Variants in ARHGEF10 observed in about 807,000 individuals in gnomAD.
ARHGEF10 encodes Rho guanine nucleotide exchange factor 10.
Under a neutral mutation model 147.4 loss-of-function variants are expected in ARHGEF10, and 140 were observed. The ratio of observed to expected loss-of-function variants is 0.95; its 90% CI spans 0.83 to 1.09. The LOEUF (loss-of-function observed/expected upper bound fraction) is 1.09, where lower values mean the gene tolerates loss of function less well. ARHGEF10 is among the 50% of genes least tolerant of loss of function. ARHGEF10 has a pLI of 0.00. For synonymous variants in ARHGEF10, 902 were observed against 695.8 expected, an observed-to-expected ratio of 1.30 and a Z score of -4.67; for missense variants, 2,222 against 1,752.7, an observed-to-expected ratio of 1.27 and a Z score of -4.78.
rs1027222326 is a variant in ARHGEF10 at position 1,957,448 on chromosome 8, A to C, written c.*185A>C. ...CCAATTCCTTCCTTCTCTTCTGTAC[A>C]GCAGAAGTAATTACAAGCACTTCTC... On this transcript the variant is annotated 3_prime_UTR_variant, in exon 29 of 29. Transcript: ENST00000349830. 1.5e-5 allele frequency: 12 copies of C among 826,302 alleles called. No homozygotes were observed. The highest frequency in any genetic ancestry group is 2.2e-5 in the Non-Finnish European group (12 of 541,046). 51.2% of individuals were successfully genotyped at this position (826,302 alleles called of 1,614,324 possible).
intron 2 of ARHGEF10, among the ~76,000 whole-genome samples, chr8:1,857,662 C>G (rs985227763): frequency 6.6e-6 from 1 of 152,018 alleles, no homozygotes; most frequent in African/African-American, 2.4e-5. Context: ...TTGTGATCTG[C>G]CCACCTTGGC....
intron 17 of ARHGEF10, 131 bp from the exon 18 acceptor site, chr8:1,909,164 C>A (rs533385932): frequency 1.6e-6 from 2 of 1,288,312 alleles, no homozygotes; most frequent in Non-Finnish European, 2.2e-6. Flanking sequence ...AGCACAATTA[C>A]TATTGTGAGA....
chr8:1,903,167 C>T, intron 15 of ARHGEF10, 114 bp from the exon 16 acceptor site: 2 of 1,333,720 alleles, frequency 1.5e-6, no homozygotes, highest in South Asian at 1.2e-5. Flanking sequence ...TATTTTTCCC[C>T]AGGATGGCAG....
At chr8:1,873,614 C>T (rs556715987) in intron 7 of ARHGEF10, among the ~76,000 whole-genome samples, 3 of 146,508 alleles carry the variant, frequency 2.0e-5, no homozygotes, top group East Asian at 2.0e-4. Context: ...GAGGTGCCCG[C>T]GGGGTAGTGC....
At chr8:1,898,401 C>T (rs748438643) in intron 14 of ARHGEF10, 32 bp from the exon 15 acceptor site, 3 of 1,603,374 alleles carry the variant, frequency 1.9e-6, no homozygotes, top group Non-Finnish European at 2.6e-6. Context: ...GGCAGCCCTG[C>T]AGGGAGGTGA....
chr8:1,842,266 G>C (rs1173950610), intron 1 of ARHGEF10, among the ~76,000 whole-genome samples: 1 of 152,116 alleles, frequency 6.6e-6, no homozygotes, highest in East Asian at 1.9e-4. Context: ...GTTGGGGGCA[G>C]GGTCCCACTG....
chr8:1,916,889 C>T (rs1214964046), intron 18 of ARHGEF10, among the ~76,000 whole-genome samples: 12 of 152,204 alleles, frequency 7.9e-5, no homozygotes, highest in Admixed American at 7.9e-4. Context: ...GATTTCTCTC[C>T]AGCCTTTTCC....
chr8:1,888,201 CA>C (rs1563233930), intron 11 of ARHGEF10, among the ~76,000 whole-genome samples: 3,508 of 39,340 alleles, frequency 0.089, 900 homozygotes, highest in Middle Eastern at 0.17. Context: ...TGCGAGGAGA[CA>C]CTTAGTGGGG....
intron 26 of ARHGEF10, chr8:1,943,811 A>G (rs921017344): frequency 2.0e-5 from 3 of 152,222 alleles, no homozygotes; most frequent in African/African-American, 7.2e-5. Flanking sequence ...GGCGAGAGGT[A>G]TTACACGGCT....
chr8:1,857,703 C>G (rs1326378487), intron 2 of ARHGEF10, among the ~76,000 whole-genome samples: 1 of 113,462 alleles, frequency 8.8e-6, no homozygotes, highest in Non-Finnish European at 1.8e-5. Flanking sequence ...CAGATGTGAG[C>G]TACCACCCCC....
chr8:1,912,593 G>A (rs1811450991), intron 18 of ARHGEF10, among the ~76,000 whole-genome samples: 1 of 113,868 alleles, frequency 8.8e-6, no homozygotes, highest in Admixed American at 8.1e-5. Flanking sequence ...AGCGCCATGT[G>A]GATCGCGGGT....
At chr8:1,946,174 A>C (rs964443992) in intron 27 of ARHGEF10, among the ~76,000 whole-genome samples, 18 of 152,200 alleles carry the variant, frequency 1.2e-4, no homozygotes, top group Non-Finnish European at 2.2e-4. Flanking sequence ...ATCCTACAAC[A>C]GGATGGAGGA....
Position 1,957,494 on chromosome 8 carries a change from C to T in ARHGEF10, c.*231C>T, listed in dbSNP as rs1452526090. The T allele has an allele frequency of 7.7e-6, 5 of 645,270 alleles. No individual in the cohort carries two copies. The highest frequency in any genetic ancestry group is 3.0e-5 in the Admixed American group (1 of 33,024). The allele number at this position is 645,270 out of a possible 1,614,324, so 40.0% of individuals were successfully genotyped here. A position where few individuals can be genotyped will look rare whatever the true frequency, so the allele number is the denominator to read the frequency against. On this transcript the variant is annotated 3_prime_UTR_variant, in exon 29 of 29. Transcript: ENST00000349830. The stretch of plus-strand genomic sequence containing the variant: ...TTCTCACGAAGGCAGAAGACTGATG[C>T]AATTTTCGAGTAATTGAGTGCAGTT...
intron 12 of ARHGEF10, 48 bp from the exon 13 acceptor site, chr8:1,894,345 G>T: frequency 6.2e-7 from 1 of 1,605,998 alleles, no homozygotes; most frequent in Admixed American, 1.7e-5. Context: ...ACAAGACCCA[G>T]GCTCTGAAAA....
At chr8:1,955,627 G>A (rs1388727772) in intron 28 of ARHGEF10, among the ~76,000 whole-genome samples, 3 of 151,894 alleles carry the variant, frequency 2.0e-5, no homozygotes, top group Non-Finnish European at 4.4e-5. Context: ...GGGTAGCGAG[G>A]TGCTTCCTGA....
Position 1,859,689 on chromosome 8 carries a change from A to G in ARHGEF10, c.194-208A>G, listed in dbSNP as rs3817692. On this transcript the variant is annotated intron_variant, in intron 3 of 28. Transcript: ENST00000349830. ...GAGCCTCCTGTAGTGACCAGGCTGCATCCGTCTCACCTGTGCCCAGAGGTG... is the reference window on the plus strand; with the variant it reads ...GAGCCTCCTGTAGTGACCAGGCTGCGTCCGTCTCACCTGTGCCCAGAGGTG... Among the ~76,000 whole-genome samples the G allele has an allele frequency of 0.3, 44,886 of 152,026 alleles. 6,780 individuals carry two copies. The highest frequency in any genetic ancestry group is 0.44 in the South Asian group (2,122 of 4,806).
rs936315548 is a variant in ARHGEF10, at chr8:1,853,803, C to T, written c.38-4157C>T. ...CTTCCTTGCCTCTTCCAGCGCCCGC[C>T]GGCTGTGGGCACTCCCGGGAGTTCC... On this transcript the variant is annotated intron_variant, in intron 2 of 28. Coordinates refer to ENST00000349830, the MANE Select transcript of ARHGEF10 (RefSeq NM_014629.4). Among the ~76,000 whole-genome samples the T allele has an allele frequency of 7.2e-5, 11 of 152,328 alleles. No individual in the cohort carries two copies. The South Asian group carries it at 8.3e-4, about 11-fold the overall frequency.
chr8:1,914,072 A>G (rs1287629110), intron 18 of ARHGEF10, among the ~76,000 whole-genome samples: 2 of 152,210 alleles, frequency 1.3e-5, no homozygotes, highest in South Asian at 4.1e-4. Context: ...AAAGCAAAAC[A>G]CTACTAGCAA....
chr8:1,864,128 G>C (rs183314802), intron 4 of ARHGEF10, among the ~76,000 whole-genome samples: 2 of 152,210 alleles, frequency 1.3e-5, no homozygotes, highest in East Asian at 3.9e-4. Flanking sequence ...TGATGCATTT[G>C]GGTGCTGGTG....
Sources: allele counts gnomAD v4.1 joint callset (sites outside exome capture counted in the v4.1 genomes callset), GRCh38; gene constraint gnomAD v4.1.1; transcripts MANE v1.5; gene names NCBI Gene and HGNC (gene_info 2026-07-23, HGNC 2026-07-21).